ARVCF: variants seen among roughly 807,000 people sequenced by gnomAD.
ARVCF encodes ARVCF delta catenin family member.
Under a neutral mutation model 90.9 loss-of-function variants are expected in ARVCF, and 66 were observed. That is an observed-to-expected ratio of 0.73 (90% CI 0.60 to 0.89). The LOEUF is 0.89. ARVCF is among the 40% of genes least tolerant of loss of function. ARVCF has a pLI of 0.00. For missense variants in ARVCF, 1,469 were observed against 1,382.3 expected (o/e 1.06, Z -1.00); for synonymous variants, 653 against 603.4 (o/e 1.08, Z -1.21).
At position 19,977,991 on chromosome 22, in the gene ARVCF, C is replaced by T. The variant is rs776256073; in HGVS notation, c.1665G>A (p.Gln555=). The T allele has an allele frequency of 1.2e-6, 2 of 1,611,690 alleles. No homozygotes were observed. The highest frequency in any genetic ancestry group is 2.2e-5 in the East Asian group (1 of 44,856). The change falls in exon 8 of 20, where the codon CAG becomes CAA. Residue 555 remains glutamine (Q), a synonymous_variant. Coordinates refer to ENST00000263207, the MANE Select transcript of ARVCF (RefSeq NM_001670.3). ...GLVDALLHAL[Q]SAVGRKDTDN... ...CAGTGTCCTTCCGGCCCACAGCCGA[C>T]TGCAGGGCATGCAGGAGCGCGTCCA...
Position 19,980,157 on chromosome 22 carries a change from G to C in ARVCF, c.982C>G (p.Pro328Ala), listed in dbSNP as rs748928698. The C allele has an allele frequency of 3.0e-5, 48 of 1,586,970 alleles. No individual in the cohort carries two copies. The East Asian group carries it at 4.3e-4, about 14-fold the overall frequency. ...AGGCTGCCCATGCTGCCCCGTTCAG[G>C]CTGGGCCAGGGGCGCCGTCACCATT... ...FPMVTAPLAQ[P>A]ERGSMGSLDR... is the part of the protein sequence containing the mutation. Residue 328 changes from proline to alanine, a missense_variant, in exon 6 of 20, where the codon CCT (proline) becomes GCT (alanine). Coordinates refer to ENST00000263207, the MANE Select transcript of ARVCF (RefSeq NM_001670.3).
In ARVCF at chr22:19,971,933, G is replaced by A. The variant is rs34445280; in HGVS notation, c.2734C>T (p.Arg912Trp). ...GCCTCTCCTGCAGAGCTGGCGCCCC[G>A]TGGCCTCCGCTCCCTCCGGTCCACC... is the stretch of plus-strand genomic sequence containing the variant. ...STVDRRERRPRGASSAGEASE... is the reference protein window; with the variant it reads ...STVDRRERRPWGASSAGEASE... The change falls in exon 18 of 20, where the codon CGG (arginine) becomes TGG (tryptophan). Residue 912 changes from arginine (R) to tryptophan (W), a missense_variant. Physicochemically the swap from Arg to Trp is moderately radical, Grantham distance 101. Transcript: ENST00000263207. 3.9e-3 allele frequency: 6,243 copies of A among 1,612,756 alleles called. 33 individuals are homozygous for A. Among genetic ancestry groups the A allele is most frequent in the African/African-American group, 0.024 (1,813 of 75,046 alleles).
downstream of ARVCF, chr22:19,966,996 T>C: frequency 1.0e-6 from 1 of 985,420 alleles, no homozygotes; most frequent in Non-Finnish European, 1.2e-6. Context: ...CTCCAGGTGG[T>C]CTGAGTAGCT....
intron 1 of ARVCF, 38 bp from the exon 2 acceptor site, chr22:20,010,546 A>T (rs1173373041): frequency 3.3e-5 from 5 of 152,244 alleles, no homozygotes; most frequent in African/African-American, 7.2e-5. Context: ...AGGTCAATCC[A>T]GCTGGGTAGG....
At chr22:19,998,916 G>A (rs545873997) in intron 2 of ARVCF, among the ~76,000 whole-genome samples, 130 of 152,292 alleles carry the variant, frequency 8.5e-4, no homozygotes, top group African/African-American at 3.0e-3. Flanking sequence ...TCACCTATCC[G>A]CCCAGGGGGA....
chr22:20,001,779 C>A (rs902634595), intron 2 of ARVCF, among the ~76,000 whole-genome samples: 4 of 151,860 alleles, frequency 2.6e-5, no homozygotes, highest in African/African-American at 9.7e-5. Flanking sequence ...GCAACAAAAG[C>A]AAAACTTCAT....
chr22:19,971,927 C>T lies in ARVCF; in HGVS notation c.2740G>A (p.Ala914Thr), dbSNP rs201215289. 1.9e-5 allele frequency: 30 copies of T among 1,612,796 alleles called. No homozygotes were observed. Among genetic ancestry groups the T allele is most frequent in the East Asian group, 2.2e-5 (1 of 44,900 alleles). Residue 914 changes from alanine (A) to threonine (T), a missense_variant, in exon 18 of 20, where the codon GCC becomes ACC. Physicochemically the swap from Ala to Thr is moderately conservative, Grantham distance 58. Transcript: ENST00000263207. Reference protein sequence around the residue: ...VDRRERRPRGASSAGEASEKE... With the variant: ...VDRRERRPRGTSSAGEASEKE... The stretch of plus-strand genomic sequence containing the variant: ...TCAGAGGCCTCTCCTGCAGAGCTGG[C>T]GCCCCGTGGCCTCCGCTCCCTCCGG...
intron 3 of ARVCF, among the ~76,000 whole-genome samples, chr22:19,987,430 C>T (rs777600948): frequency 6.6e-6 from 1 of 150,648 alleles, no homozygotes; most frequent in Admixed American, 6.6e-5. Flanking sequence ...TCTGCTCCCT[C>T]CCCCTCCCTG....
Position 19,979,092 on chromosome 22 carries a change from G to T in ARVCF, c.1397-12C>A. On this transcript the variant is annotated splice_polypyrimidine_tract_variant and intron_variant, in intron 6 of 19. Coordinates refer to ENST00000263207, the MANE Select transcript of ARVCF (RefSeq NM_001670.3). ...GTTCCACAGGGTGCCTGTGGGGTGC[G>T]ATTGGCCAATCTGTGCTGACCATAT... is the stretch of plus-strand genomic sequence containing the variant. 6.2e-7 allele frequency: 1 copy of T among 1,609,228 alleles called. No individual in the cohort carries two copies. Among genetic ancestry groups the T allele is most frequent in the East Asian group, 2.2e-5 (1 of 44,758 alleles).
At position 19,981,334 on chromosome 22, in the gene ARVCF, G is replaced by T. The variant is rs567352971; in HGVS notation, c.773C>A (p.Pro258Gln). 5.0e-6 allele frequency: 8 copies of T among 1,605,416 alleles called. No individual in the cohort carries two copies. The highest frequency in any genetic ancestry group is 1.7e-4 in the Middle Eastern group (1 of 6,050). Residue 258 changes from proline to glutamine, a missense_variant, in exon 5 of 20, where the codon CCG (proline) becomes CAG (glutamine). Pro to Gln is a moderately conservative substitution (Grantham distance 76). Transcript: ENST00000263207. ...RSLPERFQAEPYGLEDDTRSL... is the reference protein window; with the variant it reads ...RSLPERFQAEQYGLEDDTRSL... ...GCGCGTGTCATCCTCCAAGCCATACGGCTCTGCCTGGAAGCGCTCGGGCAG... is the reference window on the plus strand; with the variant it reads ...GCGCGTGTCATCCTCCAAGCCATACTGCTCTGCCTGGAAGCGCTCGGGCAG...
chr22:19,966,982 A>G, downstream of ARVCF: 1 of 985,402 alleles, frequency 1.0e-6, no homozygotes, highest in Non-Finnish European at 1.2e-6. Context: ...ATGTTTAGCC[A>G]GTTCTCCAGG....
Position 19,979,533 on chromosome 22 carries a change from G to A in ARVCF, c.1396+210C>T, listed in dbSNP as rs72556507. Reference sequence around the variant, plus strand: ...AGGGGACATGCCCGAGGGGCGCAGCGTCAGCCTCCCTGCTATGGTAGAGAC... The same window carrying A: ...AGGGGACATGCCCGAGGGGCGCAGCATCAGCCTCCCTGCTATGGTAGAGAC... On this transcript the variant is annotated intron_variant, in intron 6 of 19. Transcript: ENST00000263207. 152 of 755,790 alleles carry A rather than the reference G, an allele frequency of 2.0e-4. 1 individual carries two copies. In the East Asian group the frequency reaches 2.5e-3, roughly 12 times the overall value. 46.8% of individuals were successfully genotyped at this position (755,790 alleles called of 1,614,324 possible). A position where few individuals can be genotyped will look rare whatever the true frequency, so the allele number is the denominator to read the frequency against.
At chr22:20,004,864 C>A (rs1028217078) in intron 2 of ARVCF, among the ~76,000 whole-genome samples, 1 of 152,168 alleles carries the variant, frequency 6.6e-6, no homozygotes, top group Non-Finnish European at 1.5e-5. Context: ...CACACCCTTA[C>A]CTTATTACAT....
downstream of ARVCF, chr22:19,968,797 G>T: frequency 4.0e-6 from 6 of 1,512,736 alleles, no homozygotes; most frequent in Non-Finnish European, 5.4e-6. Flanking sequence ...GGTGCCAGAC[G>T]TGCTCCTGCT....
intron 3 of ARVCF, among the ~76,000 whole-genome samples, chr22:19,987,393 T>TC (rs2146361410): frequency 3.4e-5 from 1 of 29,726 alleles, no homozygotes; most frequent in African/African-American, 1.3e-4. Context: ...TCCCACCACC[T>TC]CCCCCCACCC....
chr22:19,968,430 C>A, downstream of ARVCF: 1 of 1,115,330 alleles, frequency 9.0e-7, no homozygotes, highest in African/African-American at 1.5e-5. Context: ...AGGGGCTAGG[C>A]ACAGGCGTGG....
At chr22:19,979,591 C>T in intron 6 of ARVCF, 152 bp downstream of exon 6, 1 of 1,221,026 alleles carries the variant, frequency 8.2e-7, no homozygotes, top group Non-Finnish European at 1.1e-6. Context: ...GGGCCTGATG[C>T]CTGGCTCCTG....
intron 2 of ARVCF, among the ~76,000 whole-genome samples, chr22:19,995,710 G>A (rs556141269): frequency 3.4e-4 from 52 of 152,304 alleles, no homozygotes; most frequent in African/African-American, 1.0e-3. Flanking sequence ...GGCCAGTGAA[G>A]GGTGGCAGGC....
chr22:19,977,280 C>G (rs1377012753), intron 9 of ARVCF, 135 bp downstream of exon 9: 27 of 1,243,724 alleles, frequency 2.2e-5, no homozygotes, highest in South Asian at 2.0e-5. Flanking sequence ...TGACTCCTGG[C>G]TTCCCTGCCT....
Sources: gnomAD v4.1 joint callset for allele counts (sites outside exome capture counted in the v4.1 genomes callset) on GRCh38, gnomAD v4.1.1 for gene constraint, MANE v1.5 for transcripts, NCBI Gene and HGNC (gene_info 2026-07-23, HGNC 2026-07-21) for gene names.